MGAT4C: variants seen among roughly 807,000 people sequenced by gnomAD.
The protein encoded by MGAT4C is alpha-1,3-mannosyl-glycoprotein 4-beta-N-acetylglucosaminyltransferase C.
Under a neutral mutation model 40.1 loss-of-function variants are expected in MGAT4C, and 19 were observed. The ratio of observed to expected loss-of-function variants is 0.47; its 90% CI spans 0.33 to 0.70. The LOEUF is 0.70. Among genes scored for constraint, MGAT4C ranks in the 30% least tolerant of loss-of-function variants. MGAT4C has a pLI of 0.02. For synonymous variants in MGAT4C, 181 were observed against 187.1 expected (o/e 0.97, Z 0.27); for missense variants, 491 against 563.2 (o/e 0.87, Z 1.30).
rs78588071 is a variant in MGAT4C, at chr12:86,128,098, A to T, written c.-56-78375T>A. ...GCAGTGCAATATATTTGTTTCCACCATTATCATAGCCAACACATGAGGAAT... is the reference window on the plus strand; with the variant it reads ...GCAGTGCAATATATTTGTTTCCACCTTTATCATAGCCAACACATGAGGAAT... On this transcript the variant is annotated intron_variant, in intron 1 of 4. Coordinates refer to ENST00000611864, the MANE Select transcript of MGAT4C (RefSeq NM_001351288.2). Among the ~76,000 whole-genome samples the T allele has an allele frequency of 0.022, 3,334 of 152,268 alleles. 254 individuals are homozygous for T. The East Asian group carries it at 0.27, about 12-fold the overall frequency.
chr12:86,568,267 T>A lies in MGAT4C; in HGVS notation c.-228-133002A>T, dbSNP rs1030255471. Reference sequence around the variant, plus strand: ...TTAGAATAAAGCAGGTAGAGGAAGGTGGAAAGAGCAGATTTGCTGAGTTTT... The same window carrying A: ...TTAGAATAAAGCAGGTAGAGGAAGGAGGAAAGAGCAGATTTGCTGAGTTTT... On this transcript the variant is annotated intron_variant, in intron 2 of 7. Coordinates refer to the MGAT4C transcript ENST00000548651. Among the ~76,000 whole-genome samples, 14 of 152,160 alleles carry A rather than the reference T, an allele frequency of 9.2e-5. No individual in the cohort carries two copies. In the East Asian group the frequency reaches 2.5e-3, roughly 27 times the overall value.
At chr12:86,099,426 TTTTTA>T in intron 1 of MGAT4C, among the ~76,000 whole-genome samples, 1 of 151,136 alleles carries the variant, frequency 6.6e-6, no homozygotes, top group Non-Finnish European at 1.5e-5. Flanking sequence ...TTCTTTTTCT[TTTTTA>T]TTTATTATAC....
chr12:86,216,634 G>C (rs1201562522), intron 1 of MGAT4C, among the ~76,000 whole-genome samples: 1 of 151,904 alleles, frequency 6.6e-6, no homozygotes, highest in African/African-American at 2.4e-5. Context: ...TTATAATATT[G>C]CCAAATTAAA....
intron 2 of MGAT4C, among the ~76,000 whole-genome samples, chr12:86,634,539 T>C (rs780510182): frequency 1.3e-5 from 2 of 152,106 alleles, no homozygotes; most frequent in African/African-American, 4.8e-5. Flanking sequence ...TGCATTCCTT[T>C]TGGAGCTCAG....
At chr12:86,799,673 C>G (rs896749110) in intron 1 of MGAT4C, among the ~76,000 whole-genome samples, 2 of 151,808 alleles carry the variant, frequency 1.3e-5, no homozygotes, top group African/African-American at 4.8e-5. Flanking sequence ...ATGTTTGACC[C>G]TAATGTAGAT....
At chr12:86,765,600 A>T (rs368912716) in intron 1 of MGAT4C, among the ~76,000 whole-genome samples, 2 of 152,136 alleles carry the variant, frequency 1.3e-5, no homozygotes, top group Admixed American at 6.5e-5. Flanking sequence ...GAAAAAATGT[A>T]AAGGGCAGCC....
chr12:86,047,222 AT>A lies in MGAT4C; in HGVS notation c.-7+2451del, dbSNP rs1892486795. On this transcript the variant is annotated intron_variant, in intron 2 of 4. Transcript: ENST00000611864. ...TTGTTTATAAAGATAAATCACTATA[AT>A]TTTTTCTTCGTGACTGTCCGCAAAA... Among the ~76,000 whole-genome samples the A allele has an allele frequency of 2.0e-5, 3 of 152,188 alleles. 1 individual carries two copies. Among genetic ancestry groups the A allele is most frequent in the African/African-American group, 7.2e-5 (3 of 41,532 alleles).
intron 3 of MGAT4C, among the ~76,000 whole-genome samples, chr12:86,411,411 G>C (rs1956602642): frequency 6.6e-6 from 1 of 152,186 alleles, no homozygotes; most frequent in Non-Finnish European, 1.5e-5. Context: ...CTGGAGTAAA[G>C]ACAACTCTTA....
intron 2 of MGAT4C, among the ~76,000 whole-genome samples, chr12:86,549,886 C>T (rs1959260946): frequency 6.6e-6 from 1 of 152,162 alleles, no homozygotes; most frequent in Non-Finnish European, 1.5e-5. Flanking sequence ...GGAGTGAGTT[C>T]CTGTTGTGGG....
intron 1 of MGAT4C, among the ~76,000 whole-genome samples, chr12:86,136,565 AT>A (rs1376696485): frequency 2.5e-4 from 38 of 152,318 alleles, no homozygotes; most frequent in African/African-American, 9.1e-4. Flanking sequence ...GTCAATTAAC[AT>A]CTGATAGGGT....
At chr12:86,830,679 T>C (rs1952906367) in intron 1 of MGAT4C, among the ~76,000 whole-genome samples, 1 of 151,500 alleles carries the variant, frequency 6.6e-6, no homozygotes, top group African/African-American at 2.4e-5. Flanking sequence ...CCATGCTCTA[T>C]TGCATTCTGC....
chr12:86,485,576 G>A (rs960553511), intron 2 of MGAT4C, among the ~76,000 whole-genome samples: 2 of 152,078 alleles, frequency 1.3e-5, no homozygotes, highest in African/African-American at 4.8e-5. Flanking sequence ...AGAAATATGG[G>A]ACTATGTAAA....
intron 2 of MGAT4C, among the ~76,000 whole-genome samples, chr12:86,476,944 C>A (rs1038154024): frequency 4.0e-5 from 6 of 151,852 alleles, no homozygotes; most frequent in African/African-American, 1.2e-4. Context: ...AATGATGAAG[C>A]GGGGCATGGA....
At chr12:86,320,150 T>C (rs1306085636) in intron 4 of MGAT4C, among the ~76,000 whole-genome samples, 2 of 152,158 alleles carry the variant, frequency 1.3e-5, no homozygotes, top group Non-Finnish European at 2.9e-5. Context: ...TTCTCTTGTA[T>C]TTCTTTTTTT....
Position 85,969,188 on chromosome 12 carries a change from T to A in MGAT4C, c.*10101A>T, listed in dbSNP as rs1019301224. On this transcript the variant is annotated 3_prime_UTR_variant, in exon 5 of 5. Transcript: ENST00000611864. ...TCTTTTGCATGATGACTTGTTATAATCATTACTTTCATAGGTAATGGAAGT... is the reference window on the plus strand; with the variant it reads ...TCTTTTGCATGATGACTTGTTATAAACATTACTTTCATAGGTAATGGAAGT... 1 of 151,738 alleles carries A rather than the reference T, an allele frequency of 6.6e-6. No homozygotes were observed. Among genetic ancestry groups the A allele is most frequent in the Non-Finnish European group, 1.5e-5 (1 of 67,746 alleles). The allele number at this position is 151,738 out of a possible 1,614,324, so 9.4% of individuals were successfully genotyped here.
At chr12:86,004,740 G>A (rs1887699251) in intron 2 of MGAT4C, among the ~76,000 whole-genome samples, 1 of 152,146 alleles carries the variant, frequency 6.6e-6, no homozygotes, top group African/African-American at 2.4e-5. Flanking sequence ...GTGGATATAA[G>A]CACTCCCTTC....
chr12:86,822,071 A>C (rs1412388090), intron 1 of MGAT4C, among the ~76,000 whole-genome samples: 2 of 151,124 alleles, frequency 1.3e-5, no homozygotes, highest in Non-Finnish European at 3.0e-5. Context: ...AGGGTGTTAA[A>C]GTGTAGAGTT....
chr12:86,503,787 C>CATATAT (rs10679798), intron 2 of MGAT4C, among the ~76,000 whole-genome samples: 2,024 of 15,738 alleles, frequency 0.13, 780 homozygotes, highest in African/African-American at 0.23. Flanking sequence ...GAGTTCTGCT[C>CATATAT]ATATATATAT....
chr12:86,078,667 G>A (rs1870245853), intron 1 of MGAT4C, among the ~76,000 whole-genome samples: 1 of 152,158 alleles, frequency 6.6e-6, no homozygotes. Context: ...ATGTAGCCAG[G>A]TCAGCCTTGG....
Sources: allele counts gnomAD v4.1 joint callset (sites outside exome capture counted in the v4.1 genomes callset), GRCh38; gene constraint gnomAD v4.1.1; transcripts MANE v1.5; gene names NCBI Gene and HGNC (gene_info 2026-07-23, HGNC 2026-07-21).